The following NOMO1 variants were observed in gnomAD, a reference collection of about 807,000 sequenced individuals.
NOMO1 encodes nodal modulator 3.
Under a neutral mutation model 133.8 loss-of-function variants are expected in NOMO1, and 40 were observed. That is an observed-to-expected ratio of 0.30 (90% CI 0.23 to 0.39). The LOEUF is 0.39. NOMO1 is among the 10% of genes least tolerant of loss of function. The pLI, the probability that NOMO1 is intolerant of heterozygous loss-of-function variation, is 1.00. For missense variants in NOMO1, 462 were observed against 1,419.9 expected (o/e 0.33, Z 10.84); for synonymous variants, 236 against 570.5 (o/e 0.41, Z 8.36).
chr16:14,885,256 C>T (rs542882233), intron 27 of NOMO1, among the ~76,000 whole-genome samples: 43 of 151,930 alleles, frequency 2.8e-4, no homozygotes, highest in African/African-American at 8.5e-4. Flanking sequence ...AGGTGGTGGA[C>T]GGTGGGCTGG....
chr16:14,892,667 A>G (rs956473883), intron 29 of NOMO1, among the ~76,000 whole-genome samples: 11 of 150,640 alleles, frequency 7.3e-5, no homozygotes, highest in African/African-American at 2.7e-4. Context: ...AGCAGGGCCA[A>G]GTGTTGAATG....
At chr16:14,871,965 C>T (rs1307905314) in intron 17 of NOMO1, among the ~76,000 whole-genome samples, 2 of 151,912 alleles carry the variant, frequency 1.3e-5, no homozygotes, top group Non-Finnish European at 2.9e-5. Context: ...CAGCCCTCAC[C>T]GATGGGCGTC....
In NOMO1 at chr16:14,866,604, G is replaced by A; in HGVS notation, c.1719G>A (p.Val573=). The change falls in exon 15 of 31, where the codon GTG becomes GTA. Residue 573 remains valine (V), a synonymous_variant. Coordinates refer to ENST00000287667, the MANE Select transcript of NOMO1 (RefSeq NM_014287.4). ...DWCWKNKSLE[V]EVLEDDMSAV... ...GCTGGAAGAACAAGAGCCTGGAGGT[G>A]GAAGTGCTGGAGGATGACATGTCTG... 5 of 1,610,042 alleles carry A rather than the reference G, an allele frequency of 3.1e-6. No homozygotes were observed. Among genetic ancestry groups the A allele is most frequent in the Non-Finnish European group, 4.2e-6 (5 of 1,179,740 alleles).
chr16:14,836,990 C>T (rs1963525540), intron 1 of NOMO1, among the ~76,000 whole-genome samples: 1 of 151,976 alleles, frequency 6.6e-6, no homozygotes, highest in African/African-American at 2.4e-5. Context: ...CAGGCGTGAG[C>T]CACCGCGCCC....
Position 14,882,675 on chromosome 16 carries a change from G to A in NOMO1, c.3109G>A (p.Glu1037Lys). The change falls in exon 26 of 31, where the codon GAG becomes AAG. Residue 1037 changes from glutamate to lysine, a missense_variant and splice_region_variant. Glu to Lys is a moderately conservative substitution (Grantham distance 56). Coordinates refer to ENST00000287667, the MANE Select transcript of NOMO1 (RefSeq NM_014287.4). The stretch of plus-strand genomic sequence containing the variant: ...GGCGCTCCCCCACCATAGGGTGATT[G>A]AGGTAAGGCATTCAGTGCTGCCGCT... The part of the protein sequence containing the change: ...ERALPHHRVI[E>K]VGNNDIDDVN... 1.2e-6 allele frequency: 2 copies of A among 1,611,730 alleles called. No homozygotes were observed. The highest frequency in any genetic ancestry group is 1.7e-6 in the Non-Finnish European group (2 of 1,179,806).
At chr16:14,834,073 C>G (rs1355657761) in intron 1 of NOMO1, 57 bp downstream of exon 1, 4 of 216,864 alleles carry the variant, frequency 1.8e-5, no homozygotes, top group Non-Finnish European at 2.9e-5. Flanking sequence ...TTCAGCCTCT[C>G]TGGGCCGCGC....
chr16:14,892,627 A>AAG (rs1239765534), intron 29 of NOMO1, among the ~76,000 whole-genome samples: 5 of 151,020 alleles, frequency 3.3e-5, no homozygotes, highest in African/African-American at 1.2e-4. Flanking sequence ...AAAAAAAAAA[A>AAG]AGCTATGCCT....
chr16:14,855,575 G>T (rs1362891783), intron 9 of NOMO1, among the ~76,000 whole-genome samples: 1 of 151,966 alleles, frequency 6.6e-6, no homozygotes, highest in Non-Finnish European at 1.5e-5. Flanking sequence ...TTAAGATTCA[G>T]TGGAGTGTTT....
intron 11 of NOMO1, chr16:14,862,389 A>G (rs1963933614): frequency 6.5e-6 from 1 of 154,188 alleles, no homozygotes; most frequent in Non-Finnish European, 1.4e-5. Context: ...AATCTGAAGC[A>G]TTACCTTAAT....
intron 12 of NOMO1, among the ~76,000 whole-genome samples, chr16:14,864,315 C>T (rs1000162126): frequency 2.0e-5 from 3 of 151,794 alleles, no homozygotes; most frequent in African/African-American, 4.9e-5. Flanking sequence ...GAGGCGTGTC[C>T]GCATTGCGGG....
intron 29 of NOMO1, among the ~76,000 whole-genome samples, chr16:14,889,674 C>T (rs948358017): frequency 1.3e-5 from 2 of 151,702 alleles, no homozygotes; most frequent in African/African-American, 4.9e-5. Flanking sequence ...CTTTCTCATT[C>T]TGCCTTCTGG....
rs393246 is a variant in NOMO1, at chr16:14,878,813, C to A, written c.2736C>A (p.Gly912=). ...FRSNLLTQDN[G]ILTFSNLSPG... Reference sequence around the variant, plus strand: ...CCAACCTCTTGACCCAGGACAACGGCATTCTGACATTCTCAAACCTGGTAA... The same window carrying A: ...CCAACCTCTTGACCCAGGACAACGGAATTCTGACATTCTCAAACCTGGTAA... Residue 912 remains glycine (G), a synonymous_variant, in exon 23 of 31, where the codon GGC becomes GGA. Transcript: ENST00000287667. The A allele has an allele frequency of 0.17, 266,529 of 1,534,884 alleles. 19 individuals carry two copies. Among genetic ancestry groups the A allele is most frequent in the Non-Finnish European group, 0.19 (208,305 of 1,122,950 alleles).
rs545842498 is a variant in NOMO1, at chr16:14,880,828, T to C, written c.2885+686T>C. On this transcript the variant is annotated intron_variant, in intron 24 of 30. Transcript: ENST00000287667. Reference sequence around the variant, plus strand: ...GTCTCCTAGCCACCCAAGTTCCTCTTCTGGGAGACAACCAGTACTTCCAGT... The same window carrying C: ...GTCTCCTAGCCACCCAAGTTCCTCTCCTGGGAGACAACCAGTACTTCCAGT... 1.7e-4 allele frequency among the ~76,000 whole-genome samples: 25 copies of C among 151,288 alleles called. No individual in the cohort carries two copies. The East Asian group carries it at 3.9e-3, about 23-fold the overall frequency.
intron 12 of NOMO1, 50 bp from the exon 13 acceptor site, chr16:14,864,535 G>A (rs762989182): frequency 1.2e-6 from 2 of 1,611,536 alleles, no homozygotes; most frequent in African/African-American, 2.7e-5. Flanking sequence ...TAGGTCAGGG[G>A]GAAGATCTCC....
chr16:14,869,478 C>CT lies in NOMO1; in HGVS notation c.1894+850dup, dbSNP rs1347024076. Among the ~76,000 whole-genome samples, 166 of 137,238 alleles carry CT rather than the reference C, an allele frequency of 1.2e-3. 3 individuals are homozygous for CT. The East Asian group carries it at 0.021, about 17-fold the overall frequency. The allele number at this position is 137,238 out of a possible 152,430, so 90.0% of individuals were successfully genotyped here. ...TCTATTTTCTGTCCCCATGGATTGG[C>CT]TTTTTTTGGACGTTTATCATACGAT... On this transcript the variant is annotated intron_variant, in intron 16 of 30. Transcript: ENST00000287667.
At chr16:14,856,557 G>A (rs1330984908) in intron 9 of NOMO1, among the ~76,000 whole-genome samples, 8 of 151,890 alleles carry the variant, frequency 5.3e-5, no homozygotes, top group East Asian at 1.9e-4. Context: ...GATTACAGGC[G>A]CCTGCCACCA....
At chr16:14,851,087 A>G (rs906621026) in intron 6 of NOMO1, among the ~76,000 whole-genome samples, 10 of 148,172 alleles carry the variant, frequency 6.7e-5, no homozygotes, top group African/African-American at 2.3e-4. Context: ...CCATCTCAAA[A>G]AAAAAAAAAA....
chr16:14,869,666 G>C (rs1043976654), intron 16 of NOMO1, among the ~76,000 whole-genome samples: 6 of 149,716 alleles, frequency 4.0e-5, no homozygotes, highest in African/African-American at 1.5e-4. Flanking sequence ...TATTTGAGTG[G>C]TTTCCAGTTT....
At chr16:14,856,930 T>G (rs1963847211) in intron 9 of NOMO1, among the ~76,000 whole-genome samples, 1 of 150,870 alleles carries the variant, frequency 6.6e-6, no homozygotes, top group Non-Finnish European at 1.5e-5. Flanking sequence ...GGGGTAAGGG[T>G]GGGGGGCTTC....
Sources: allele counts gnomAD v4.1 joint callset (sites outside exome capture counted in the v4.1 genomes callset), GRCh38; gene constraint gnomAD v4.1.1; transcripts MANE v1.5; gene names NCBI Gene and HGNC (gene_info 2026-07-23, HGNC 2026-07-21).